The following CDCA8 variants were observed in gnomAD, a reference collection of about 807,000 sequenced individuals.
The protein encoded by CDCA8 is cell division cycle associated 8.
CDCA8 carries 25 observed loss-of-function variants against 40.0 expected under a neutral mutation model. The observed-to-expected ratio is 0.63, with a 90% CI of 0.46 to 0.87. The LOEUF (loss-of-function observed/expected upper bound fraction) is 0.87. Among genes scored for constraint, CDCA8 ranks in the 40% least tolerant of loss-of-function variants. CDCA8 has a pLI of 0.00. For synonymous variants in CDCA8, 111 were observed against 126.5 expected (o/e 0.88, Z 0.82); for missense variants, 280 against 348.4 (o/e 0.80, Z 1.56).
rs1426529389 is a variant in CDCA8 at position 37,696,217 on chromosome 1, C to T, written c.264+267C>T. Among the ~76,000 whole-genome samples, 1 of 152,196 alleles carries T rather than the reference C, an allele frequency of 6.6e-6. No individual in the cohort carries two copies. Among genetic ancestry groups the T allele is most frequent in the Non-Finnish European group, 1.5e-5 (1 of 68,034 alleles). On this transcript the variant is annotated intron_variant, in intron 3 of 9. Transcript: ENST00000373055. This position sits in a 1 kb window ranked among gnomAD's most constrained non-coding sequence, Gnocchi z 5.0. ...CAGCGGAAGTAGAAAGCCTCAAGCCCAAGTTCCTTTAAGCGCCTGAGTCAT... is the reference window on the plus strand; with the variant it reads ...CAGCGGAAGTAGAAAGCCTCAAGCCTAAGTTCCTTTAAGCGCCTGAGTCAT...
chr1:37,701,651 C>A, intron 5 of CDCA8, 103 bp from the exon 6 acceptor site: 1 of 690,538 alleles, frequency 1.4e-6, no homozygotes, highest in Non-Finnish European at 2.5e-6. Flanking sequence ...TATTAACTAT[C>A]CAAAGCTTGT....
chr1:37,700,169 T>A (rs957712308), intron 4 of CDCA8, among the ~76,000 whole-genome samples: 2 of 152,152 alleles, frequency 1.3e-5, no homozygotes, highest in Non-Finnish European at 2.9e-5. Flanking sequence ...ATTTCGGGGC[T>A]ACACACCAGG....
intron 8 of CDCA8, among the ~76,000 whole-genome samples, chr1:37,706,770 G>T (rs192397350): frequency 3.3e-5 from 5 of 152,344 alleles, no homozygotes; most frequent in Non-Finnish European, 7.4e-5. Context: ...GATGATGTGC[G>T]TGCCTTTTGT....
Position 37,696,091 on chromosome 1 carries a change from AC to A in CDCA8, c.264+143del. 1.4e-6 allele frequency: 1 copy of A among 733,248 alleles called. No homozygotes were observed. The highest frequency in any genetic ancestry group is 2.4e-6 in the Non-Finnish European group (1 of 424,948). The allele number at this position is 733,248 out of a possible 1,614,324, so 45.4% of individuals were successfully genotyped here. A position where few individuals can be genotyped will look rare whatever the true frequency, so the allele number is the denominator to read the frequency against. ...GTGTCAACTGAAAAATTAGAGTTGG[AC>A]CAGACACTGTATACATGAGACCCAG... On this transcript the variant is annotated intron_variant, in intron 3 of 9. Transcript: ENST00000373055. The surrounding 1 kb of genome is among the most constrained non-coding windows in gnomAD (Gnocchi z 5.0).
In CDCA8 at chr1:37,692,794, C is replaced by T; in HGVS notation, c.94+10C>T. The T allele has an allele frequency of 6.2e-7, 1 of 1,613,132 alleles. No individual in the cohort carries two copies. The highest frequency in any genetic ancestry group is 8.5e-7 in the Non-Finnish European group (1 of 1,179,380). On this transcript the variant is annotated intron_variant, in intron 1 of 9. Transcript: ENST00000373055. ...GACTTCGACCGTGAAGGTAAGGGGCCAGGCCGTCGCGGCCTCCTGGGGCGG... is the reference window on the plus strand; with the variant it reads ...GACTTCGACCGTGAAGGTAAGGGGCTAGGCCGTCGCGGCCTCCTGGGGCGG...
Position 37,706,536 on chromosome 1 carries a change from G to T in CDCA8, c.712-442G>T, listed in dbSNP as rs554697415. Among the ~76,000 whole-genome samples the T allele has an allele frequency of 2.0e-5, 3 of 152,312 alleles. No homozygotes were observed. In the South Asian group the frequency reaches 6.2e-4, roughly 32 times the overall value. ...TGCAATCATGGTACCTGTGATATGC[G>T]CAATAATAGAGATGTTAAAGGGTGG... is the stretch of plus-strand genomic sequence containing the variant. On this transcript the variant is annotated intron_variant, in intron 8 of 9. Coordinates refer to ENST00000373055, the MANE Select transcript of CDCA8 (RefSeq NM_001256875.2).
At chr1:37,704,531 G>A (rs1156956712) in intron 7 of CDCA8, among the ~76,000 whole-genome samples, 2 of 151,904 alleles carry the variant, frequency 1.3e-5, no homozygotes, top group Admixed American at 6.6e-5. Flanking sequence ...TTTCTGGAAG[G>A]ATAGATAAGG....
intron 4 of CDCA8, 27 bp from the exon 5 acceptor site, chr1:37,700,409 C>T (rs1167940897): frequency 1.5e-5 from 20 of 1,338,658 alleles, no homozygotes; most frequent in Non-Finnish European, 2.1e-5. Flanking sequence ...ATCAGAAATA[C>T]CACCCTGTTG....
chr1:37,708,477 G>T lies in CDCA8; in HGVS notation c.*111G>T. The stretch of plus-strand genomic sequence containing the variant: ...GTGAAGTTCCAGAGCAAGGAGCCAT[G>T]TTCCTCTAAGGGAATTCAGGAATTC... On this transcript the variant is annotated 3_prime_UTR_variant, in exon 10 of 10. Transcript: ENST00000373055. 1 of 1,054,042 alleles carries T rather than the reference G, an allele frequency of 9.5e-7. No homozygotes were observed. Among genetic ancestry groups the T allele is most frequent in the Non-Finnish European group, 1.5e-6 (1 of 680,100 alleles). The allele number at this position is 1,054,042 out of a possible 1,614,324, so 65.3% of individuals were successfully genotyped here. A position where few individuals can be genotyped will look rare whatever the true frequency, so the allele number is the denominator to read the frequency against.
At chr1:37,708,146 C>T (rs1240497430) in intron 9 of CDCA8, among the ~76,000 whole-genome samples, 176 bp from the exon 10 acceptor site, 1 of 152,238 alleles carries the variant, frequency 6.6e-6, no homozygotes, top group Non-Finnish European at 1.5e-5. Context: ...GATACCTTTA[C>T]TGTCTCACTT....
intron 7 of CDCA8, among the ~76,000 whole-genome samples, chr1:37,704,868 G>A (rs760877824): frequency 3.3e-5 from 5 of 151,616 alleles, no homozygotes; most frequent in South Asian, 2.1e-4. Context: ...GGCTGGTCTC[G>A]AACTCCTGAC....
intron 7 of CDCA8, among the ~76,000 whole-genome samples, chr1:37,704,780 TGA>T (rs768279435): frequency 1.2e-4 from 18 of 151,862 alleles, no homozygotes; most frequent in Middle Eastern, 3.4e-3. Context: ...CCTGAGTAGC[TGA>T]GATTATAGGT....
At chr1:37,699,940 C>G (rs1310873326) in intron 4 of CDCA8, among the ~76,000 whole-genome samples, 1 of 149,316 alleles carries the variant, frequency 6.7e-6, no homozygotes, top group Non-Finnish European at 1.5e-5. Flanking sequence ...AAAAGTTACT[C>G]AATTCCATGA....
In CDCA8 at chr1:37,692,775, G is replaced by A; in HGVS notation, c.85G>A (p.Asp29Asn). 2 of 1,613,626 alleles carry A rather than the reference G, an allele frequency of 1.2e-6. No homozygotes were observed. The highest frequency in any genetic ancestry group is 1.7e-6 in the Non-Finnish European group (2 of 1,179,970). The change falls in exon 1 of 10, where the codon GAC becomes AAC. Residue 29 changes from aspartate (D) to asparagine (N), a missense_variant. Asp to Asn is a conservative substitution (Grantham distance 23). Transcript: ENST00000373055. ...GCTCGCCTCCTTTCTGAAAGACTTCGACCGTGAAGGTAAGGGGCCAGGCCG... is the reference window on the plus strand; with the variant it reads ...GCTCGCCTCCTTTCTGAAAGACTTCAACCGTGAAGGTAAGGGGCCAGGCCG... ...RKLASFLKDF[D>N]REVEIRIKQI...
chr1:37,698,787 CT>C (rs1645543398), intron 3 of CDCA8, 117 bp from the exon 4 acceptor site: 1 of 687,950 alleles, frequency 1.5e-6, no homozygotes, highest in Admixed American at 2.4e-5. Flanking sequence ...TATTGTATCA[CT>C]AACATTTAAC....
chr1:37,704,067 C>G (rs1221948092), intron 7 of CDCA8, among the ~76,000 whole-genome samples: 1 of 152,112 alleles, frequency 6.6e-6, no homozygotes, highest in South Asian at 2.1e-4. Flanking sequence ...GCTTCTCCCA[C>G]CTTAGCTCCC....
chr1:37,695,818 G>C, intron 2 of CDCA8, 92 bp from the exon 3 acceptor site: 2 of 1,142,284 alleles, frequency 1.8e-6, no homozygotes, highest in African/African-American at 1.5e-5. Context: ...GTTAGACCAA[G>C]GGCTGGACCA....
chr1:37,707,146 C>T, intron 9 of CDCA8, 82 bp downstream of exon 9: 1 of 1,033,584 alleles, frequency 9.7e-7, no homozygotes, highest in East Asian at 2.4e-5. Flanking sequence ...GTCTTTTGGG[C>T]CTGGGCTAAT....
In CDCA8 at chr1:37,692,561, C is replaced by T. The variant is rs1645471831; in HGVS notation, c.-130C>T. 2 of 731,088 alleles carry T rather than the reference C, an allele frequency of 2.7e-6. No individual in the cohort carries two copies. The highest frequency in any genetic ancestry group is 2.7e-5 in the East Asian group (1 of 37,230). 45.3% of individuals were successfully genotyped at this position (731,088 alleles called of 1,614,324 possible). Reference sequence around the variant, plus strand: ...TGGCACAGCGAGGTTTTGCTCAGCCCTTGTCTCGGGACCGCAGGTACGTGC... The same window carrying T: ...TGGCACAGCGAGGTTTTGCTCAGCCTTTGTCTCGGGACCGCAGGTACGTGC... On this transcript the variant is annotated 5_prime_UTR_variant, in exon 1 of 10. Transcript: ENST00000373055.
Sources: gnomAD v4.1 joint callset for allele counts (sites outside exome capture counted in the v4.1 genomes callset) on GRCh38, gnomAD v4.1.1 for gene constraint, Gnocchi (gnomAD v3.1) non-coding constraint, MANE v1.5 for transcripts, NCBI Gene and HGNC (gene_info 2026-07-23, HGNC 2026-07-21) for gene names.